RAB27B: variants seen among roughly 807,000 people sequenced by gnomAD.
The protein encoded by RAB27B is ras-related protein Rab-27B.
RAB27B carries 15 observed loss-of-function variants against 24.6 expected under a neutral mutation model. That is an observed-to-expected ratio of 0.61 (90% CI 0.41 to 0.94). RAB27B has a LOEUF of 0.94. Ranked by LOEUF, RAB27B falls within the 40% of genes least tolerant of loss-of-function variation. The probability of loss-of-function intolerance (pLI) is 0.00; values close to 1 mark genes in which losing one functional copy is unlikely to be tolerated. For synonymous variants in RAB27B, 105 were observed against 92.5 expected (o/e 1.14, Z -0.78); for missense variants, 261 against 266.8 (o/e 0.98, Z 0.15).
intron 2 of RAB27B, among the ~76,000 whole-genome samples, chr18:54,814,533 A>G (rs1379888522): frequency 1.3e-5 from 2 of 152,210 alleles, no homozygotes; most frequent in African/African-American, 4.8e-5. Flanking sequence ...GAGTAAGTCA[A>G]TACTCCAGAG....
At chr18:54,722,307 C>A (rs376932184) in intron 2 of RAB27B, among the ~76,000 whole-genome samples, 1 of 152,180 alleles carries the variant, frequency 6.6e-6, no homozygotes, top group African/African-American at 2.4e-5. Flanking sequence ...TTCTAAAGAG[C>A]AAGCCTCAGC....
intron 2 of RAB27B, among the ~76,000 whole-genome samples, chr18:54,806,112 A>T (rs569478807): frequency 6.6e-6 from 1 of 152,280 alleles, no homozygotes; most frequent in African/African-American, 2.4e-5. Flanking sequence ...AAGATATAAA[A>T]CATTGTGCTA....
chr18:54,856,988 T>C (rs1911809268), intron 1 of RAB27B, among the ~76,000 whole-genome samples: 1 of 152,262 alleles, frequency 6.6e-6, no homozygotes, highest in African/African-American at 2.4e-5. Context: ...CTACTGTACA[T>C]GCATTTCCAT....
chr18:54,763,861 A>G (rs1833306), intron 2 of RAB27B, among the ~76,000 whole-genome samples: 84,352 of 151,884 alleles, frequency 0.56, 23,909 homozygotes, highest in Middle Eastern at 0.67. Context: ...TGAATGAGAG[A>G]TATGATGGAG....
At chr18:54,762,446 G>A (rs184722522) in intron 2 of RAB27B, among the ~76,000 whole-genome samples, 3 of 152,180 alleles carry the variant, frequency 2.0e-5, no homozygotes, top group Admixed American at 1.3e-4. Context: ...AATTTTCTAC[G>A]GCAGCCCTGG....
chr18:54,797,198 G>T (rs746862171), intron 2 of RAB27B, among the ~76,000 whole-genome samples: 2 of 152,164 alleles, frequency 1.3e-5, no homozygotes, highest in Non-Finnish European at 2.9e-5. Flanking sequence ...TGTTTCTAGG[G>T]AATCACATCT....
At chr18:54,760,114 C>A (rs556400915) in intron 2 of RAB27B, among the ~76,000 whole-genome samples, 1 of 152,256 alleles carries the variant, frequency 6.6e-6, no homozygotes, top group South Asian at 2.1e-4. Flanking sequence ...TGTGGATACC[C>A]CCCAGAAGCT....
intron 2 of RAB27B, among the ~76,000 whole-genome samples, chr18:54,811,877 G>T (rs1048518094): frequency 1.3e-5 from 2 of 152,198 alleles, no homozygotes; most frequent in East Asian, 3.8e-4. Context: ...GTCTTGAGAT[G>T]TATTTTTCTT....
At chr18:54,831,074 A>G (rs1278595501) in intron 1 of RAB27B, among the ~76,000 whole-genome samples, 1 of 152,136 alleles carries the variant, frequency 6.6e-6, no homozygotes, top group Non-Finnish European at 1.5e-5. Flanking sequence ...ACCAACCTAG[A>G]TAAGCAGGGT....
intron 2 of RAB27B, among the ~76,000 whole-genome samples, chr18:54,806,350 G>T (rs1363770533): frequency 6.6e-6 from 1 of 151,586 alleles, no homozygotes; most frequent in African/African-American, 2.4e-5. Context: ...TTACTGTATG[G>T]GAAGCATAGG....
intron 2 of RAB27B, among the ~76,000 whole-genome samples, chr18:54,808,955 GA>G (rs1335667493): frequency 8.5e-5 from 13 of 152,308 alleles, no homozygotes; most frequent in Non-Finnish European, 1.9e-4. Flanking sequence ...AGGCCACAGT[GA>G]AAAGATGTAA....
At chr18:54,863,812 C>G (rs532539511) in intron 1 of RAB27B, among the ~76,000 whole-genome samples, 2 of 152,270 alleles carry the variant, frequency 1.3e-5, no homozygotes, top group South Asian at 4.1e-4. Flanking sequence ...ATAATGTTTT[C>G]AAGGTTTATC....
upstream of RAB27B, among the ~76,000 whole-genome samples, chr18:54,827,303 C>T (rs994406200): frequency 1.6e-4 from 24 of 151,854 alleles, no homozygotes; most frequent in African/African-American, 5.1e-4. Flanking sequence ...GTGCCAGGCA[C>T]GTTCTACACA....
chr18:54,773,757 C>A (rs920460905), intron 2 of RAB27B, among the ~76,000 whole-genome samples: 1 of 151,676 alleles, frequency 6.6e-6, no homozygotes, highest in Non-Finnish European at 1.5e-5. Flanking sequence ...CTCACTGCAA[C>A]CTCTGCCTTC....
intron 2 of RAB27B, among the ~76,000 whole-genome samples, chr18:54,784,056 G>C (rs1361458724): frequency 6.6e-6 from 1 of 152,180 alleles, no homozygotes; most frequent in Non-Finnish European, 1.5e-5. Flanking sequence ...GTTATCCATA[G>C]GGAGTTCACT....
intron 2 of RAB27B, among the ~76,000 whole-genome samples, chr18:54,816,013 A>G (rs1272583438): frequency 6.6e-6 from 1 of 152,204 alleles, no homozygotes; most frequent in Non-Finnish European, 1.5e-5. Context: ...ATCAGGTTTA[A>G]ATATCGAAAC....
intron 2 of RAB27B, among the ~76,000 whole-genome samples, chr18:54,790,523 T>G (rs1909215756): frequency 6.6e-6 from 1 of 152,102 alleles, no homozygotes; most frequent in Admixed American, 6.6e-5. Context: ...CATTAAAGTT[T>G]AGAGAAAAAA....
At chr18:54,821,055 G>T (rs1910294419) in intron 2 of RAB27B, among the ~76,000 whole-genome samples, 1 of 152,112 alleles carries the variant, frequency 6.6e-6, no homozygotes, top group Admixed American at 6.5e-5. Context: ...GATGGGGAAG[G>T]AAATAAAGGG....
intron 2 of RAB27B, among the ~76,000 whole-genome samples, chr18:54,740,044 CTCTT>C (rs1910026918): frequency 6.6e-6 from 1 of 152,130 alleles, no homozygotes; most frequent in Non-Finnish European, 1.5e-5. Flanking sequence ...TGCAGCTTGC[CTCTT>C]TATTTTCATA....
Sources: gnomAD v4.1 joint callset for allele counts (sites outside exome capture counted in the v4.1 genomes callset) on GRCh38, gnomAD v4.1.1 for gene constraint, MANE v1.5 for transcripts, NCBI Gene and HGNC (gene_info 2026-07-23, HGNC 2026-07-21) for gene names.